Variants in ADGRE3 observed in about 807,000 individuals in gnomAD.
ADGRE3 encodes EGF-like module receptor 3.
Under a neutral mutation model 80.1 loss-of-function variants are expected in ADGRE3, and 88 were observed. That is an observed-to-expected ratio of 1.10 (90% confidence interval 0.93 to 1.31). The LOEUF (loss-of-function observed/expected upper bound fraction) is 1.31, where lower values mean the gene tolerates loss of function less well. Ranked by LOEUF, ADGRE3 falls within the 40% of genes most tolerant of loss-of-function variation. The probability of loss-of-function intolerance (pLI) is 0.00; values close to 1 mark genes in which losing one functional copy is unlikely to be tolerated. For synonymous variants in ADGRE3, 281 were observed against 294.8 expected (o/e 0.95, Z 0.48); for missense variants, 715 against 776.5 (o/e 0.92, Z 0.94).
chr19:14,615,397 A>G (rs2075069678), downstream of ADGRE3, among the ~76,000 whole-genome samples: 1 of 151,842 alleles, frequency 6.6e-6, no homozygotes, highest in Non-Finnish European at 1.5e-5. Flanking sequence ...CCACCTGCCT[A>G]GAGAGATAGC....
Position 14,638,208 on chromosome 19 carries a change from T to A in ADGRE3, c.1381A>T (p.Arg461Ter). ...LTVVNYSSINRLMKWIMFPVG... is the reference protein window; with the variant it reads ...LTVVNYSSIN ...GGGAACATGATCCACTTCATGAGTC[T>A]ATTGATGCTTGAGTAGTTGACCACT... Residue 461 changes from arginine (R) to a stop codon, truncating the protein, a stop_gained, in exon 11 of 16, where the codon AGA (arginine) becomes TGA (stop). Transcript: ENST00000253673. LOFTEE classifies it high-confidence loss of function. 1 of 1,614,102 alleles carries A rather than the reference T, an allele frequency of 6.2e-7. No individual in the cohort carries two copies. Among genetic ancestry groups the A allele is most frequent in the Non-Finnish European group, 8.5e-7 (1 of 1,180,002 alleles).
intron 15 of ADGRE3, among the ~76,000 whole-genome samples, chr19:14,625,065 C>T (rs1031701833): frequency 3.3e-5 from 5 of 152,136 alleles, no homozygotes; most frequent in African/African-American, 7.2e-5. Context: ...CTGCAACCTC[C>T]GCCTCTCAGG....
intron 13 of ADGRE3, among the ~76,000 whole-genome samples, chr19:14,631,992 C>T (rs1970895337): frequency 6.6e-6 from 1 of 152,114 alleles, no homozygotes; most frequent in Admixed American, 6.6e-5. Flanking sequence ...CAACAAATTA[C>T]ATGCTCAAAT....
the ADGRE3 span, among the ~76,000 whole-genome samples, chr19:14,607,360 T>C: frequency 4.5e-3 from 597 of 133,230 alleles, 4 homozygotes; most frequent in East Asian, 0.017. Context: ...CCCATCACCA[T>C]GCCCGGCTAA....
Position 14,659,822 on chromosome 19 carries a change from G to GAAAAA in ADGRE3, c.356-1277_356-1273dup, listed in dbSNP as rs66908687. 2.0e-3 allele frequency among the ~76,000 whole-genome samples: 90 copies of GAAAAA among 44,820 alleles called. 20 individuals carry two copies. The highest frequency in any genetic ancestry group is 0.019 in the Middle Eastern group (1 of 54). 29.4% of individuals were successfully genotyped at this position (44,820 alleles called of 152,430 possible). The stretch of plus-strand genomic sequence containing the variant: ...GGAGACAGAGCGAGACTCTGCCTCT[G>GAAAAA]AAAAAAAAAAAAAAAAAAAAAAAAA... On this transcript the variant is annotated intron_variant, in intron 4 of 15. Transcript: ENST00000253673.
the ADGRE3 span, among the ~76,000 whole-genome samples, chr19:14,611,995 C>T: frequency 6.6e-6 from 1 of 152,156 alleles, no homozygotes; most frequent in African/African-American, 2.4e-5. Context: ...CAGAGCAAGA[C>T]TCCATCTCAA....
rs1273863644 is a variant in ADGRE3, at chr19:14,632,945, TC to T, written c.1618del (p.Glu540LysfsTer78). On this transcript the variant is annotated frameshift_variant, in exon 13 of 16. Transcript: ENST00000253673. LOFTEE classifies it high-confidence loss of function. Reference protein sequence around the residue: ...LKRKLSSLNSEVSTIQNTRML... With the variant: ...LKRKLSSLNSXVSTIQNTRML... ...CCTTGTGTTCTGGATGGTTGACACTTCACTATTGAGGGAGGAAAGTTTTCTT... is the reference window on the plus strand; with the variant it reads ...CCTTGTGTTCTGGATGGTTGACACTTACTATTGAGGGAGGAAAGTTTTCTT... 5.0e-6 allele frequency: 8 copies of T among 1,613,148 alleles called. No individual in the cohort carries two copies. The Admixed American group carries it at 1.3e-4, about 27-fold the overall frequency.
the ADGRE3 span, among the ~76,000 whole-genome samples, chr19:14,607,414 AG>A: frequency 9.4e-4 from 143 of 151,846 alleles, 5 homozygotes; most frequent in East Asian, 0.024. Context: ...CGTGTTAGCC[AG>A]GATGGTCTTG....
intron 15 of ADGRE3, among the ~76,000 whole-genome samples, chr19:14,619,710 CAT>C (rs919849633): frequency 1.3e-5 from 2 of 152,174 alleles, no homozygotes; most frequent in Non-Finnish European, 2.9e-5. Flanking sequence ...AATTTTCAGA[CAT>C]ATTACACTCT....
In ADGRE3 at chr19:14,621,011, C is replaced by T. The variant is rs931264686; in HGVS notation, c.1921-1540G>A. On this transcript the variant is annotated intron_variant, in intron 15 of 15. Coordinates refer to ENST00000253673, the MANE Select transcript of ADGRE3 (RefSeq NM_032571.5). ...TTTACTCTTGTTGAGAATAATTAAGCCTAATATTAATCAAATTTTTTTTTT... is the reference window on the plus strand; with the variant it reads ...TTTACTCTTGTTGAGAATAATTAAGTCTAATATTAATCAAATTTTTTTTTT... Among the ~76,000 whole-genome samples, 3 of 151,768 alleles carry T rather than the reference C, an allele frequency of 2.0e-5. No homozygotes were observed. In the South Asian group the frequency reaches 6.2e-4, roughly 32 times the overall value.
the ADGRE3 span, chr19:14,611,239 A>C: frequency 6.6e-6 from 1 of 152,262 alleles, no homozygotes; most frequent in African/African-American, 2.4e-5. Context: ...GGTCTCAAAC[A>C]GCACAAATAA....
At position 14,623,433 on chromosome 19, in the gene ADGRE3, G is replaced by A. The variant is rs545881674; in HGVS notation, c.1920+2059C>T. 4.6e-5 allele frequency among the ~76,000 whole-genome samples: 7 copies of A among 152,204 alleles called. No homozygotes were observed. The South Asian group carries it at 1.5e-3, about 32-fold the overall frequency. On this transcript the variant is annotated intron_variant, in intron 15 of 15. Coordinates refer to ENST00000253673, the MANE Select transcript of ADGRE3 (RefSeq NM_032571.5). ...GTCTATTCTGTCATTTATTCAAAAA[G>A]CCAAATATGGAACGAAATGTCACAT...
chr19:14,661,930 G>A, intron 4 of ADGRE3, 33 bp downstream of exon 4: 2 of 1,605,684 alleles, frequency 1.2e-6, no homozygotes, highest in Non-Finnish European at 8.5e-7. Context: ...CAACAACAGA[G>A]GAAGGAAGGC....
chr19:14,627,703 C>T (rs1970772736), intron 14 of ADGRE3, among the ~76,000 whole-genome samples: 1 of 152,092 alleles, frequency 6.6e-6, no homozygotes, highest in Admixed American at 6.6e-5. Flanking sequence ...AGACAGCGTG[C>T]AGTCCAGATT....
Position 14,663,471 on chromosome 19 carries a change from TATCC to T in ADGRE3, c.142_145del (p.Gly48IlefsTer125). The T allele has an allele frequency of 6.2e-7, 1 of 1,613,380 alleles. No individual in the cohort carries two copies. Among genetic ancestry groups the T allele is most frequent in the Non-Finnish European group, 8.5e-7 (1 of 1,179,512 alleles). On this transcript the variant is annotated frameshift_variant, in exon 3 of 16. Transcript: ENST00000253673. LOFTEE classifies it high-confidence loss of function. Reference sequence around the variant, plus strand: ...TAGTTTCTGCCCAGATCCAGAAGTATATCCATGGTTGCAGGTGCAGTGAGTGTTA... The same window carrying T: ...TAGTTTCTGCCCAGATCCAGAAGTATATGGTTGCAGGTGCAGTGAGTGTTA...
intron 11 of ADGRE3, among the ~76,000 whole-genome samples, chr19:14,633,964 A>G (rs1221073891): frequency 6.6e-6 from 1 of 151,522 alleles, no homozygotes; most frequent in East Asian, 2.0e-4. Context: ...TTTAGTAGAG[A>G]TGGGGTTTTG....
At chr19:14,669,000 T>C (rs894308817) in intron 1 of ADGRE3, 148 bp from the exon 2 acceptor site, 22 of 710,728 alleles carry the variant, frequency 3.1e-5, no homozygotes, top group African/African-American at 2.7e-4. Flanking sequence ...TTGTTGAGTA[T>C]GGAGATCTCT....
intron 15 of ADGRE3, among the ~76,000 whole-genome samples, chr19:14,620,523 TGA>T (rs1491258247): frequency 3.9e-4 from 18 of 45,710 alleles, no homozygotes; most frequent in African/African-American, 1.4e-3. Context: ...TGACTATATA[TGA>T]ATATATATAT....
the ADGRE3 span, among the ~76,000 whole-genome samples, chr19:14,602,843 C>T: frequency 6.6e-6 from 1 of 151,906 alleles, no homozygotes; most frequent in Non-Finnish European, 1.5e-5. Flanking sequence ...TCAAGTGATT[C>T]TCCCGCCTCA....
Sources: gnomAD v4.1 joint callset for allele counts (sites outside exome capture counted in the v4.1 genomes callset) on GRCh38, gnomAD v4.1.1 for gene constraint, MANE v1.5 for transcripts, NCBI Gene and HGNC (gene_info 2026-07-23, HGNC 2026-07-21) for gene names.